Variants in TENM2 observed in about 807,000 individuals in gnomAD.
TENM2 encodes the protein teneurin transmembrane protein 2, also known as teneurin-2.
A neutral mutation model predicts 245.2 loss-of-function variants in TENM2; 52 were observed. That is an observed-to-expected ratio of 0.21 (90% CI 0.17 to 0.27). The LOEUF is 0.27. Ranked by LOEUF, TENM2 falls within the 10% of genes least tolerant of loss-of-function variation. The probability of loss-of-function intolerance (pLI) is 1.00; values close to 1 mark genes in which losing one functional copy is unlikely to be tolerated. For missense variants in TENM2, 3,046 were observed against 3,666.8 expected, an observed-to-expected ratio of 0.83 and a Z score of 4.37; for synonymous variants, 1,363 against 1,438.9, an observed-to-expected ratio of 0.95 and a Z score of 1.19.
At chr5:168,219,849 A>AAAAAAT (rs1763513675) in intron 23 of TENM2, among the ~76,000 whole-genome samples, 1 of 149,578 alleles carries the variant, frequency 6.7e-6, no homozygotes, top group African/African-American at 2.5e-5. Context: ...AAAAAAAAAA[A>AAAAAAT]GCGGGGGACA....
At chr5:167,859,749 C>T (rs1220456773) in intron 2 of TENM2, among the ~76,000 whole-genome samples, 23 of 95,550 alleles carry the variant, frequency 2.4e-4, no homozygotes, top group Middle Eastern at 8.5e-3. Context: ...ATCAGCCCCC[C>T]GCCCGGCCAG....
chr5:167,221,764 C>T, the TENM2 span, among the ~76,000 whole-genome samples: 2 of 152,162 alleles, frequency 1.3e-5, no homozygotes, highest in Non-Finnish European at 1.5e-5. Flanking sequence ...AGAAATTCAG[C>T]GCTCCAGGAA....
chr5:167,448,894 G>T (rs558427239), intron 2 of TENM2, among the ~76,000 whole-genome samples: 143 of 151,924 alleles, frequency 9.4e-4, no homozygotes, highest in South Asian at 5.8e-3. Flanking sequence ...CTAAGAAGCG[G>T]GGCAATGCAA....
At chr5:167,939,626 A>G (rs1779013353) in intron 3 of TENM2, among the ~76,000 whole-genome samples, 2 of 152,244 alleles carry the variant, frequency 1.3e-5, no homozygotes, top group African/African-American at 4.8e-5. Context: ...GGGAGCAACC[A>G]TAAAACAACA....
the TENM2 span, among the ~76,000 whole-genome samples, chr5:167,084,327 T>TTATATGTATATATATATATA: frequency 4.3e-5 from 1 of 23,180 alleles, no homozygotes; most frequent in East Asian, 1.3e-3. Context: ...GCCATTTTAG[T>TTATATGTATATATATATATA]TATATATATA....
intron 7 of TENM2, among the ~76,000 whole-genome samples, chr5:168,074,644 AACC>A (rs928176926): frequency 1.3e-5 from 2 of 152,146 alleles, no homozygotes; most frequent in African/African-American, 4.8e-5. Flanking sequence ...CAGTCTGGTT[AACC>A]ACCAGTCTCC....
intron 2 of TENM2, among the ~76,000 whole-genome samples, chr5:167,611,337 A>T (rs1582539653): frequency 6.6e-6 from 1 of 152,126 alleles, no homozygotes; most frequent in Non-Finnish European, 1.5e-5. Context: ...TGAGGTGCCC[A>T]GTGCCCACAG....
chr5:167,495,902 T>C (rs1410651977), intron 2 of TENM2, among the ~76,000 whole-genome samples: 1 of 152,100 alleles, frequency 6.6e-6, no homozygotes, highest in Non-Finnish European at 1.5e-5. Context: ...TAAAAACTGA[T>C]TCTCATGACT....
At chr5:167,203,242 C>A in the TENM2 span, among the ~76,000 whole-genome samples, 7 of 152,164 alleles carry the variant, frequency 4.6e-5, no homozygotes, top group East Asian at 1.9e-4. Flanking sequence ...CGATCAATGG[C>A]AGATGCAACT....
intron 1 of TENM2, among the ~76,000 whole-genome samples, chr5:167,290,150 A>G (rs546920521): frequency 1.3e-5 from 2 of 152,296 alleles, no homozygotes; most frequent in African/African-American, 2.4e-5. Context: ...CAACTTTTCA[A>G]TGTTATCTTT....
intron 9 of TENM2, among the ~76,000 whole-genome samples, chr5:168,115,189 A>G (rs1204873967): frequency 6.6e-6 from 1 of 152,010 alleles, no homozygotes; most frequent in Non-Finnish European, 1.5e-5. Flanking sequence ...GCTACTCAGG[A>G]GGCTGAGGCA....
intron 2 of TENM2, among the ~76,000 whole-genome samples, chr5:167,536,451 A>G (rs1771853047): frequency 8.5e-6 from 1 of 117,238 alleles, no homozygotes; most frequent in Non-Finnish European, 1.9e-5. Context: ...TCTCTATCCC[A>G]TATACTTAAA....
At chr5:167,200,430 C>T in the TENM2 span, among the ~76,000 whole-genome samples, 2 of 151,868 alleles carry the variant, frequency 1.3e-5, no homozygotes, top group Admixed American at 6.6e-5. Flanking sequence ...TCTCTGCTTG[C>T]CCCCTCTCCC....
chr5:167,233,893 C>T, the TENM2 span, among the ~76,000 whole-genome samples: 281 of 151,452 alleles, frequency 1.9e-3, 1 homozygote, highest in Admixed American at 6.3e-3. Context: ...AATTAATAAA[C>T]GATCACAGCT....
intron 2 of TENM2, among the ~76,000 whole-genome samples, chr5:167,717,827 G>T (rs1298090439): frequency 6.6e-6 from 1 of 152,164 alleles, no homozygotes; most frequent in Non-Finnish European, 1.5e-5. Context: ...AACTGTATCT[G>T]TTTGCTCACA....
intron 7 of TENM2, among the ~76,000 whole-genome samples, chr5:168,063,371 A>G (rs912340465): frequency 3.3e-5 from 5 of 152,146 alleles, no homozygotes; most frequent in Admixed American, 1.3e-4. Context: ...TGGAAGTTCT[A>G]TTATTATACA....
chr5:167,527,218 T>C (rs1468970478), intron 2 of TENM2, among the ~76,000 whole-genome samples: 1 of 152,086 alleles, frequency 6.6e-6, no homozygotes, highest in Non-Finnish European at 1.5e-5. Flanking sequence ...AAAAAGGACA[T>C]ATCTGAAATA....
intron 2 of TENM2, among the ~76,000 whole-genome samples, chr5:167,610,394 A>G (rs943932976): frequency 4.6e-5 from 7 of 152,138 alleles, no homozygotes; most frequent in South Asian, 2.1e-4. Flanking sequence ...TCCTCTCTCC[A>G]GGGGTTGGGG....
chr5:167,144,797 T>G, the TENM2 span, among the ~76,000 whole-genome samples: 1 of 152,376 alleles, frequency 6.6e-6, no homozygotes, highest in Admixed American at 6.5e-5. Flanking sequence ...CTTTAGTGTA[T>G]GCTTTAGTTT....
Sources: allele counts gnomAD v4.1 joint callset (sites outside exome capture counted in the v4.1 genomes callset), GRCh38; gene constraint gnomAD v4.1.1; transcripts MANE v1.5; gene names NCBI Gene and HGNC (gene_info 2026-07-23, HGNC 2026-07-21).